The following SPON2 variants were observed in gnomAD, a reference collection of about 807,000 sequenced individuals.
The protein encoded by SPON2 is spondin 2.
In SPON2, 32 loss-of-function variants were observed where a neutral mutation model predicts 29.9. That is an observed-to-expected ratio of 1.07 (90% confidence interval 0.81 to 1.44). The LOEUF is 1.44. Among genes scored for constraint, SPON2 ranks in the 40% most tolerant of loss-of-function variants. SPON2 has a pLI of 0.00. For synonymous variants in SPON2, 248 were observed against 209.1 expected, an observed-to-expected ratio of 1.19 and a Z score of -1.61; for missense variants, 541 against 455.5, an observed-to-expected ratio of 1.19 and a Z score of -1.71.
At chr4:1,192,608 C>G (rs934280578) in intron 1 of SPON2, among the ~76,000 whole-genome samples, 22 of 152,310 alleles carry the variant, frequency 1.4e-4, no homozygotes, top group East Asian at 1.9e-4. Flanking sequence ...GTGGCTCAGG[C>G]TAAGCCGGAG....
Position 1,167,629 on chromosome 4 carries a change from A to G in SPON2, c.839T>C (p.Val280Ala). ...SVPETPLDCE[V>A]SLWSSWGLCG... is the part of the protein sequence containing the mutation. ...CAGTCCCCAGGACGACCACAGGGAG[A>G]CCTCGCAGTCCAGCGGCGTTTCTGG... Residue 280 changes from valine (V) to alanine (A), a missense_variant, in exon 6 of 6, where the codon GTC becomes GCC. Val to Ala is a moderately conservative substitution (Grantham distance 64). Coordinates refer to ENST00000290902, the MANE Select transcript of SPON2 (RefSeq NM_012445.4). 1 of 1,610,440 alleles carries G rather than the reference A, an allele frequency of 6.2e-7. No homozygotes were observed. The highest frequency in any genetic ancestry group is 8.5e-7 in the Non-Finnish European group (1 of 1,178,248).
rs1727467271 is a variant in SPON2, at chr4:1,171,899, T to C, written c.173A>G (p.Lys58Arg). The change falls in exon 2 of 6, where the codon AAG becomes AGG. Residue 58 changes from lysine (K) to arginine (R), a missense_variant. Transcript: ENST00000290902. ...AGGGGGGCGGAACAGGGGGTACTGC[T>C]TGGGGAAGGCCGTCTGGCTCCACTT... ...TGKWSQTAFP[K>R]QYPLFRPPAQ... The C allele has an allele frequency of 1.2e-6, 2 of 1,612,900 alleles. No individual in the cohort carries two copies. The highest frequency in any genetic ancestry group is 1.7e-6 in the Non-Finnish European group (2 of 1,179,892).
At chr4:1,207,961 G>C (rs1728386944) in exon 1 of SPON2, 1 of 152,560 alleles carries the variant, frequency 6.6e-6, no homozygotes, top group African/African-American at 2.4e-5. Flanking sequence ...TGATGCCAAG[G>C]GGAGCGGGTC....
intron 1 of SPON2, among the ~76,000 whole-genome samples, chr4:1,191,235 A>G (rs1035869928): frequency 1.3e-5 from 2 of 152,296 alleles, no homozygotes; most frequent in East Asian, 3.9e-4. Flanking sequence ...GTAGTAATCA[A>G]GACAGTATGG....
At chr4:1,179,090 G>A (rs1417462953) in intron 2 of SPON2, among the ~76,000 whole-genome samples, 1 of 152,194 alleles carries the variant, frequency 6.6e-6, no homozygotes, top group Admixed American at 6.5e-5. Context: ...TGTGAATCGT[G>A]CCAGTGAGCT....
In SPON2 at chr4:1,202,902, G is replaced by C. The variant is rs750268763; in HGVS notation, c.-234+4978C>G. ...CTGCGCCTGCACCTGCCTGAGCCATGGCTGGGGCGGCCAAGGAGGGCTGGG... is the reference window on the plus strand; with the variant it reads ...CTGCGCCTGCACCTGCCTGAGCCATCGCTGGGGCGGCCAAGGAGGGCTGGG... On this transcript the variant is annotated intron_variant, in intron 1 of 3. Transcript: ENST00000509233. This position sits in a 1 kb window ranked among gnomAD's most constrained non-coding sequence, Gnocchi z 5.4. Among the ~76,000 whole-genome samples, 3 of 152,192 alleles carry C rather than the reference G, an allele frequency of 2.0e-5. No homozygotes were observed. Among genetic ancestry groups the C allele is most frequent in the Non-Finnish European group, 4.4e-5 (3 of 68,024 alleles).
chr4:1,208,144 C>T (rs1728392213), exon 1 of SPON2: 1 of 152,362 alleles, frequency 6.6e-6, no homozygotes, highest in Non-Finnish European at 1.5e-5. Context: ...TTGGGTTTCT[C>T]TGCTGTTGTT....
In SPON2 at chr4:1,172,056, G is replaced by A; in HGVS notation, c.16C>T (p.Pro6Ser). 6.2e-7 allele frequency: 1 copy of A among 1,611,474 alleles called. No homozygotes were observed. Among genetic ancestry groups the A allele is most frequent in the South Asian group, 1.1e-5 (1 of 90,986 alleles). The change falls in exon 2 of 6, where the codon CCG becomes TCG. Residue 6 changes from proline (P) to serine (S), a missense_variant. Physicochemically the swap from Pro to Ser is moderately conservative, Grantham distance 74 (BLOSUM62 -1). Coordinates refer to ENST00000290902, the MANE Select transcript of SPON2 (RefSeq NM_012445.4). MENPSPAAALGKALCA... is the reference protein window; with the variant it reads MENPSSAAALGKALCA... ...AGGGCCTTGCCCAGGGCGGCGGCCGGGCTGGGGTTTTCCATCACCTGGGAG... is the reference window on the plus strand; with the variant it reads ...AGGGCCTTGCCCAGGGCGGCGGCCGAGCTGGGGTTTTCCATCACCTGGGAG...
intron 5 of SPON2, 71 bp from the exon 6 acceptor site, chr4:1,167,727 C>G: frequency 6.7e-7 from 1 of 1,482,074 alleles, no homozygotes; most frequent in Non-Finnish European, 9.0e-7. Context: ...CGGAAGCCAC[C>G]TCCCACCAAC....
chr4:1,185,739 G>A (rs1727781233), intron 1 of SPON2, among the ~76,000 whole-genome samples: 1 of 129,634 alleles, frequency 7.7e-6, no homozygotes, highest in Non-Finnish European at 1.7e-5. Context: ...TGGACCTTTT[G>A]CCTGACACTG....
intron 1 of SPON2, among the ~76,000 whole-genome samples, chr4:1,185,196 G>C (rs1319502153): frequency 2.0e-5 from 3 of 151,168 alleles, no homozygotes; most frequent in African/African-American, 7.3e-5. Flanking sequence ...TTAGCCACCC[G>C]ACTAGTTGGG....
At position 1,167,292 on chromosome 4, in the gene SPON2, C is replaced by G. The variant is rs930406371; in HGVS notation, c.*180G>C. The G allele has an allele frequency of 9.9e-6, 6 of 608,570 alleles. No homozygotes were observed. Among genetic ancestry groups the G allele is most frequent in the African/African-American group, 5.6e-5 (3 of 53,434 alleles). 37.7% of individuals were successfully genotyped at this position (608,570 alleles called of 1,614,324 possible). A position where few individuals can be genotyped will look rare whatever the true frequency, so the allele number is the denominator to read the frequency against. On this transcript the variant is annotated 3_prime_UTR_variant, in exon 6 of 6. Coordinates refer to ENST00000290902, the MANE Select transcript of SPON2 (RefSeq NM_012445.4). ...AGGTTGGGAAAGGAGGAGGCTGTTTCCCAATGCCCGTGCCGGCCACCAGAG... is the reference window on the plus strand; with the variant it reads ...AGGTTGGGAAAGGAGGAGGCTGTTTGCCAATGCCCGTGCCGGCCACCAGAG...
rs1268437786 is a variant in SPON2, at chr4:1,167,552, G to A, written c.916C>T (p.Arg306Trp). 3 of 1,613,492 alleles carry A rather than the reference G, an allele frequency of 1.9e-6. No individual in the cohort carries two copies. The highest frequency in any genetic ancestry group is 1.7e-5 in the Admixed American group (1 of 60,008). The change falls in exon 6 of 6, where the codon CGG becomes TGG. Residue 306 changes from arginine to tryptophan, a missense_variant. Physicochemically the swap from Arg to Trp is moderately radical, Grantham distance 101. Coordinates refer to ENST00000290902, the MANE Select transcript of SPON2 (RefSeq NM_012445.4). Reference sequence around the variant, plus strand: ...CTCCCGTTGTTGGCGGGCTGGACCCGGACGTAGCGAGTCCTGCTCTTGGTC... The same window carrying A: ...CTCCCGTTGTTGGCGGGCTGGACCCAGACGTAGCGAGTCCTGCTCTTGGTC... The part of the protein sequence containing the change: ...LGTKSRTRYV[R>W]VQPANNGSPC...
intron 1 of SPON2, among the ~76,000 whole-genome samples, chr4:1,194,689 CCCCAGCCTCGCTGGTGG>C (rs1728002382): frequency 1.3e-5 from 2 of 152,160 alleles, no homozygotes; most frequent in Admixed American, 1.3e-4. Context: ...GGGACACCCT[CCCCAGCCTCGCTGGTGG>C]CCTGGTTTCT....
At chr4:1,195,401 G>T (rs1728042730), upstream of SPON2, among the ~76,000 whole-genome samples, 1 of 152,004 alleles carries the variant, frequency 6.6e-6, no homozygotes, top group Non-Finnish European at 1.5e-5. Flanking sequence ...CTGGCCCCCT[G>T]CGCCTCAGGG....
chr4:1,172,201 T>C, intron 1 of SPON2, 127 bp from the exon 2 acceptor site: 1 of 763,226 alleles, frequency 1.3e-6, no homozygotes, highest in Non-Finnish European at 2.1e-6. Flanking sequence ...CCCTCCCTGC[T>C]CCGCAAAGCT....
At chr4:1,168,479 G>GAC (rs1261865041) in intron 5 of SPON2, among the ~76,000 whole-genome samples, 1 of 152,228 alleles carries the variant, frequency 6.6e-6, no homozygotes, top group Admixed American at 6.5e-5. Context: ...TGCCTGGACT[G>GAC]GTCTGGAAGC....
At chr4:1,184,796 G>T (rs1320373640) in intron 1 of SPON2, among the ~76,000 whole-genome samples, 2 of 151,878 alleles carry the variant, frequency 1.3e-5, no homozygotes, top group Non-Finnish European at 2.9e-5. Context: ...AATTAGCCGG[G>T]TGTCATAGTG....
rs541709993 is a variant in SPON2 at position 1,202,540 on chromosome 4, G to A, written c.-234+5340C>T. Among the ~76,000 whole-genome samples, 1 of 152,270 alleles carries A rather than the reference G, an allele frequency of 6.6e-6. No homozygotes were observed. Among genetic ancestry groups the A allele is most frequent in the African/African-American group, 2.4e-5 (1 of 41,550 alleles). On this transcript the variant is annotated intron_variant, in intron 1 of 3. Transcript: ENST00000509233. This position sits in a 1 kb window ranked among gnomAD's most constrained non-coding sequence, Gnocchi z 5.4. ...CTCCCTGCCCACCTTCCAGACACAT[G>A]GGGGCAGGGCTGGGCCCCCACGGCT...
Sources: allele counts gnomAD v4.1 joint callset (sites outside exome capture counted in the v4.1 genomes callset), GRCh38; gene constraint gnomAD v4.1.1; non-coding constraint Gnocchi (gnomAD v3.1); transcripts MANE v1.5; gene names NCBI Gene and HGNC (gene_info 2026-07-23, HGNC 2026-07-21).